AFTPH: variants seen among roughly 807,000 people sequenced by gnomAD.
AFTPH encodes the protein aftiphilin.
A neutral mutation model predicts 72.5 loss-of-function variants in AFTPH; 7 were observed. The observed-to-expected ratio is 0.10, with a 90% confidence interval of 0.05 to 0.18. AFTPH has a LOEUF of 0.18. Ranked by LOEUF, AFTPH falls within the 10% of genes least tolerant of loss-of-function variation. AFTPH has a pLI of 1.00. For synonymous variants in AFTPH, 337 were observed against 370.1 expected, an observed-to-expected ratio of 0.91 and a Z score of 1.03; for missense variants, 979 against 1,060.5, an observed-to-expected ratio of 0.92 and a Z score of 1.07.
chr2:64,547,064 T>C (rs1670685601), intron 1 of AFTPH, among the ~76,000 whole-genome samples: 1 of 151,822 alleles, frequency 6.6e-6, no homozygotes, highest in African/African-American at 2.4e-5. Context: ...AATACATACA[T>C]ACATACATAC....
At chr2:64,571,412 G>A (rs1672424070) in intron 5 of AFTPH, among the ~76,000 whole-genome samples, 1 of 152,114 alleles carries the variant, frequency 6.6e-6, no homozygotes, top group Non-Finnish European at 1.5e-5. Context: ...AACAAACTTG[G>A]CTGAAACTAG....
At chr2:64,566,365 T>G (rs1473284260) in intron 2 of AFTPH, among the ~76,000 whole-genome samples, 2 of 152,198 alleles carry the variant, frequency 1.3e-5, no homozygotes, top group Non-Finnish European at 2.9e-5. Flanking sequence ...AGTGTTAAGT[T>G]TTTGCTCTGA....
rs1300777357 is a variant in AFTPH at position 64,552,694 on chromosome 2, A to G, written c.1220A>G (p.Asp407Gly). 2.5e-6 allele frequency: 4 copies of G among 1,614,086 alleles called. No homozygotes were observed. The African/African-American group carries it at 5.3e-5, about 22-fold the overall frequency. The change falls in exon 2 of 9, where the codon GAT becomes GGT. Residue 407 changes from aspartate (D) to glycine (G), a missense_variant. Coordinates refer to ENST00000238856, the Ensembl canonical transcript of AFTPH. Reference sequence around the variant, plus strand: ...GACCCCACAGAAGAAAATGATTTGGATGATTCTTTAAGTGTAAAAAATGGT... The same window carrying G: ...GACCCCACAGAAGAAAATGATTTGGGTGATTCTTTAAGTGTAAAAAATGGT...
chr2:64,577,370 C>T (rs368305547), intron 6 of AFTPH, among the ~76,000 whole-genome samples: 6 of 151,544 alleles, frequency 4.0e-5, no homozygotes, highest in South Asian at 4.1e-4. Flanking sequence ...CGTTAAATGT[C>T]GATTCGTGTT....
intron 8 of AFTPH, among the ~76,000 whole-genome samples, chr2:64,587,003 G>A (rs1673558020): frequency 6.6e-6 from 1 of 152,104 alleles, no homozygotes; most frequent in Non-Finnish European, 1.5e-5. Flanking sequence ...TTCCCCTGCA[G>A]TCTCACTGAC....
At chr2:64,583,312 CTG>C (rs1673318652) in intron 7 of AFTPH, among the ~76,000 whole-genome samples, 2 of 112,044 alleles carry the variant, frequency 1.8e-5, no homozygotes, top group African/African-American at 7.2e-5. Flanking sequence ...CATTAAGGCT[CTG>C]TTAAAAAAAA....
At chr2:64,545,546 T>C (rs1312064557) in intron 1 of AFTPH, among the ~76,000 whole-genome samples, 3 of 109,982 alleles carry the variant, frequency 2.7e-5, no homozygotes, top group Non-Finnish European at 3.5e-5. Context: ...CTGGTATATC[T>C]GTACAATGGA....
rs539759621 is a variant in AFTPH, at chr2:64,548,322, A to C, written c.-32-3121A>C. 3.4e-4 allele frequency among the ~76,000 whole-genome samples: 48 copies of C among 142,480 alleles called. 1 individual carries two copies. In the East Asian group the frequency reaches 8.1e-3, roughly 24 times the overall value. The allele number at this position is 142,480 out of a possible 152,430, so 93.5% of individuals were successfully genotyped here. A position where few individuals can be genotyped will look rare whatever the true frequency, so the allele number is the denominator to read the frequency against. On this transcript the variant is annotated intron_variant, in intron 1 of 8. Transcript: ENST00000238856. ...GCAGGAGAATGGCGTGAACCCGGGA[A>C]GCGGAGCTTGCAGTGAGCCGAGATT...
rs747521842 is a variant in AFTPH at position 64,567,761 on chromosome 2, G to A, written c.2087+48G>A. 1.5e-5 allele frequency: 23 copies of A among 1,569,024 alleles called. No individual in the cohort carries two copies. The African/African-American group carries it at 2.2e-4, about 15-fold the overall frequency. On this transcript the variant is annotated intron_variant, in intron 3 of 8. Coordinates refer to ENST00000238856, the Ensembl canonical transcript of AFTPH. ...ATAGCATGTGTTTTTGTTATTTTTA[G>A]TAGTTCTAATTTATAAGTTTATCTT... is the stretch of plus-strand genomic sequence containing the variant.
intron 2 of AFTPH, among the ~76,000 whole-genome samples, chr2:64,556,818 C>G (rs1249346397): frequency 6.6e-6 from 1 of 152,104 alleles, no homozygotes; most frequent in Non-Finnish European, 1.5e-5. Context: ...GATGTAAAAG[C>G]CATATATGAA....
intron 1 of AFTPH, among the ~76,000 whole-genome samples, chr2:64,549,017 C>T (rs1670851681): frequency 6.6e-6 from 1 of 152,130 alleles, no homozygotes; most frequent in Non-Finnish European, 1.5e-5. Context: ...AATTCTGAAG[C>T]CATTCTCCAC....
At chr2:64,579,539 T>G (rs759881601) in exon 7 of AFTPH, 1 of 1,613,664 alleles carries the variant, frequency 6.2e-7, no homozygotes, top group Admixed American at 1.7e-5. Context: ...TTACTAACCC[T>G]TTAGATGGTA....
At chr2:64,552,142 C>T (rs1016848671) in exon 2 of AFTPH, 4 of 1,613,996 alleles carry the variant, frequency 2.5e-6, no homozygotes, top group Non-Finnish European at 3.4e-6. Flanking sequence ...AATTTAGACT[C>T]TGTACCTAGT....
chr2:64,582,493 A>G (rs188893124), intron 7 of AFTPH, among the ~76,000 whole-genome samples: 1 of 152,312 alleles, frequency 6.6e-6, no homozygotes, highest in African/African-American at 2.4e-5. Flanking sequence ...GCAAGCATAT[A>G]AAAAACCAAT....
chr2:64,584,593 ATTTTTT>A (rs5831705), intron 7 of AFTPH, among the ~76,000 whole-genome samples: 1 of 117,008 alleles, frequency 8.5e-6, no homozygotes, highest in African/African-American at 3.4e-5. Flanking sequence ...CTTAGTCATG[ATTTTTT>A]TTTTTTTTTT....
At chr2:64,563,384 T>A (rs1671854880) in intron 2 of AFTPH, among the ~76,000 whole-genome samples, 1 of 152,206 alleles carries the variant, frequency 6.6e-6, no homozygotes, top group Non-Finnish European at 1.5e-5. Context: ...TTGATACACC[T>A]TTTATCCCAA....
Position 64,546,193 on chromosome 2 carries a change from C to CTT in AFTPH, c.-32-5241_-32-5240dup, listed in dbSNP as rs11413248. On this transcript the variant is annotated intron_variant, in intron 1 of 8. Coordinates refer to ENST00000238856, the Ensembl canonical transcript of AFTPH. ...CAGGCGTGAGCCACTGCACCCAGCC[C>CTT]TTTTTTTTTTAATGGTAACAATTTA... 2.8e-3 allele frequency among the ~76,000 whole-genome samples: 423 copies of CTT among 148,520 alleles called. 1 individual carries two copies. The highest frequency in any genetic ancestry group is 8.6e-3 in the African/African-American group (348 of 40,590).
At chr2:64,577,239 A>G (rs1672876711) in intron 6 of AFTPH, among the ~76,000 whole-genome samples, 1 of 152,098 alleles carries the variant, frequency 6.6e-6, no homozygotes, top group Non-Finnish European at 1.5e-5. Context: ...CATTGCTTCA[A>G]GTGGTTTTAA....
intron 1 of AFTPH, among the ~76,000 whole-genome samples, chr2:64,538,874 C>G (rs1364883328): frequency 6.6e-6 from 1 of 152,038 alleles, no homozygotes; most frequent in Admixed American, 6.5e-5. Context: ...ATGCTTCTTT[C>G]TGTAAGAGGT....
Sources: gnomAD v4.1 joint callset for allele counts (sites outside exome capture counted in the v4.1 genomes callset) on GRCh38, gnomAD v4.1.1 for gene constraint, MANE v1.5 for transcripts, NCBI Gene and HGNC (gene_info 2026-07-23, HGNC 2026-07-21) for gene names.